Variants in HADHB observed in about 807,000 individuals in gnomAD.
HADHB encodes the protein hydroxyacyl-CoA dehydrogenase trifunctional multienzyme complex subunit beta.
Under a neutral mutation model 61.9 loss-of-function variants are expected in HADHB, and 50 were observed. That is an observed-to-expected ratio of 0.81 (90% CI 0.64 to 1.02). HADHB has a LOEUF of 1.02. Ranked by LOEUF, HADHB falls within the 50% of genes least tolerant of loss-of-function variation. The pLI, the probability that HADHB is intolerant of heterozygous loss-of-function variation, is 0.00. For missense variants in HADHB, 504 were observed against 586.5 expected (o/e 0.86, Z 1.45); for synonymous variants, 191 against 201.6 (o/e 0.95, Z 0.45).
chr2:26,269,344 GCC>G (rs1672238036), intron 4 of HADHB, among the ~76,000 whole-genome samples: 1 of 151,986 alleles, frequency 6.6e-6, no homozygotes, highest in Admixed American at 6.6e-5. Flanking sequence ...ACAGATCCAT[GCC>G]ACCACGCCTG....
chr2:26,278,399 G>A (rs1210800137), intron 7 of HADHB, among the ~76,000 whole-genome samples: 1 of 152,196 alleles, frequency 6.6e-6, no homozygotes, highest in African/African-American at 2.4e-5. Context: ...ACGTCCATAT[G>A]GCAGGAATGA....
chr2:26,277,233 CTTTTTTTTT>C (rs34696184), intron 7 of HADHB, 73 bp downstream of exon 7: 26 of 438,908 alleles, frequency 5.9e-5, no homozygotes, highest in East Asian at 3.4e-4. Context: ...TAAAAATGTA[CTTTTTTTTT>C]TTTTTTTTTT....
chr2:26,276,135 G>A lies in HADHB; in HGVS notation c.355-938G>A, dbSNP rs115223571. 4.6e-3 allele frequency among the ~76,000 whole-genome samples: 693 copies of A among 152,198 alleles called. 3 individuals carry two copies. Among genetic ancestry groups the A allele is most frequent in the African/African-American group, 0.016 (675 of 41,520 alleles). On this transcript the variant is annotated intron_variant, in intron 6 of 15. Transcript: ENST00000317799. ...ACAAAAATGGAATCAGACGTTGATT[G>A]GTTTTTGACAGCATAATTTCCCCCA...
chr2:26,278,272 T>A (rs1192389498), intron 7 of HADHB, among the ~76,000 whole-genome samples: 1 of 152,232 alleles, frequency 6.6e-6, no homozygotes, highest in Non-Finnish European at 1.5e-5. Context: ...AACATTCTCT[T>A]TATAGGATAA....
At chr2:26,245,633 G>A (rs1671118945) in intron 1 of HADHB, among the ~76,000 whole-genome samples, 3 of 151,982 alleles carry the variant, frequency 2.0e-5, no homozygotes, top group Non-Finnish European at 4.4e-5. Flanking sequence ...TTTACCCATG[G>A]CCATATGTAG....
chr2:26,266,050 C>T (rs530889961), intron 4 of HADHB, among the ~76,000 whole-genome samples: 8 of 151,290 alleles, frequency 5.3e-5, no homozygotes, highest in East Asian at 1.9e-4. Flanking sequence ...CTATCCCCAA[C>T]GCCTCCTCAC....
rs557827031 is a variant in HADHB, at chr2:26,261,793, C to T, written c.110-1587C>T. ...TCATCTCAAAAAAAAAAAATTAAGT[C>T]CCCTTTTTTTTCCAAAACCAGTTCT... On this transcript the variant is annotated intron_variant, in intron 3 of 15. Coordinates refer to ENST00000317799, the MANE Select transcript of HADHB (RefSeq NM_000183.3). Among the ~76,000 whole-genome samples, 15 of 152,142 alleles carry T rather than the reference C, an allele frequency of 9.9e-5. No individual in the cohort carries two copies. In the South Asian group the frequency reaches 3.1e-3, roughly 32 times the overall value.
At chr2:26,286,749 G>A (rs4480948) in intron 15 of HADHB, among the ~76,000 whole-genome samples, 26,007 of 147,868 alleles carry the variant, frequency 0.18, 2,669 homozygotes, top group Middle Eastern at 0.26. Flanking sequence ...CAGGTGATCC[G>A]CCTACCTCAG....
chr2:26,260,767 A>G (rs887232118), intron 3 of HADHB: 4 of 513,514 alleles, frequency 7.8e-6, no homozygotes, highest in African/African-American at 5.8e-5. Flanking sequence ...AAGCAGCTCT[A>G]GGGGCCAGCT....
At chr2:26,282,511 A>C (rs926416067) in intron 10 of HADHB, among the ~76,000 whole-genome samples, 1 of 152,068 alleles carries the variant, frequency 6.6e-6, no homozygotes. Flanking sequence ...TGCCCGCCTC[A>C]GCCTCCCAAA....
At chr2:26,252,525 G>C (rs1271493631) in intron 1 of HADHB, among the ~76,000 whole-genome samples, 4 of 152,054 alleles carry the variant, frequency 2.6e-5, no homozygotes, top group Non-Finnish European at 5.9e-5. Context: ...ACTTCCAGGG[G>C]GATTTTATAC....
intron 1 of HADHB, among the ~76,000 whole-genome samples, chr2:26,253,857 A>AAAATAAAT (rs146843338): frequency 0.27 from 33,397 of 125,146 alleles, 4,804 homozygotes; most frequent in Non-Finnish European, 0.35. Context: ...CCATCTCAAA[A>AAAATAAAT]AAATAAATAA....
chr2:26,264,553 C>CAAA (rs34189488), intron 4 of HADHB, among the ~76,000 whole-genome samples: 35 of 73,618 alleles, frequency 4.8e-4, no homozygotes, highest in South Asian at 1.2e-3. Context: ...GACTCCATCT[C>CAAA]AAAAAAAAAA....
chr2:26,266,885 A>AAAAAAAAAAAAAAAAAAAAG, intron 4 of HADHB, among the ~76,000 whole-genome samples: 2 of 149,942 alleles, frequency 1.3e-5, no homozygotes, highest in African/African-American at 2.4e-5. Context: ...AAAAAAAAAA[A>AAAAAAAAAAAAAAAAAAAAG]AAAAAAAAAG....
At chr2:26,260,800 G>GT in intron 3 of HADHB, 1 of 577,506 alleles carries the variant, frequency 1.7e-6, no homozygotes. Context: ...ACACCACATG[G>GT]TATGTCCCTT....
chr2:26,279,837 A>G lies in HADHB; in HGVS notation c.812-157A>G, dbSNP rs765403167. On this transcript the variant is annotated intron_variant, in intron 9 of 15. Transcript: ENST00000317799. ...AATTGTCTTTTAAGACTTTAGTTTA[A>G]AATTTGATAATATGATAATTATAAA... Among the ~76,000 whole-genome samples the G allele has an allele frequency of 1.1e-4, 17 of 152,170 alleles. No homozygotes were observed. The highest frequency in any genetic ancestry group is 2.2e-4 in the Non-Finnish European group (15 of 68,044).
intron 3 of HADHB, among the ~76,000 whole-genome samples, chr2:26,257,046 G>C (rs1213107769): frequency 6.6e-6 from 1 of 151,304 alleles, no homozygotes; most frequent in Non-Finnish European, 1.5e-5. Flanking sequence ...AGTGTTGAAA[G>C]TAATGGGTTC....
At chr2:26,282,752 G>A (rs1428521155) in intron 10 of HADHB, 93 bp from the exon 11 acceptor site, 1 of 811,744 alleles carries the variant, frequency 1.2e-6, no homozygotes, top group Admixed American at 1.9e-5. Flanking sequence ...AGTCTAATGA[G>A]TTAATAGATT....
At chr2:26,272,481 A>G (rs1163011914) in intron 5 of HADHB, among the ~76,000 whole-genome samples, 2 of 151,594 alleles carry the variant, frequency 1.3e-5, no homozygotes, top group Non-Finnish European at 2.9e-5. Flanking sequence ...GAGTAGCTGG[A>G]ATTACAGGCA....
Sources: gnomAD v4.1 joint callset for allele counts (sites outside exome capture counted in the v4.1 genomes callset) on GRCh38, gnomAD v4.1.1 for gene constraint, MANE v1.5 for transcripts, NCBI Gene and HGNC (gene_info 2026-07-23, HGNC 2026-07-21) for gene names.